Variants in ATP1A1 observed in about 807,000 individuals in gnomAD.
ATP1A1 encodes the protein sodium/potassium-transporting ATPase subunit alpha-1.
A neutral mutation model predicts 114.8 loss-of-function variants in ATP1A1; 14 were observed. The ratio of observed to expected loss-of-function variants is 0.12; its 90% CI spans 0.08 to 0.19. ATP1A1 has a LOEUF of 0.19. Among genes scored for constraint, ATP1A1 ranks in the 10% least tolerant of loss-of-function variants. The pLI is 1.00. For missense variants in ATP1A1, 524 were observed against 1,290.7 expected (o/e 0.41, Z 9.10); for synonymous variants, 471 against 466.3 (o/e 1.01, Z -0.13).
intron 1 of ATP1A1, among the ~76,000 whole-genome samples, chr1:116,380,145 G>A (rs1651648139): frequency 6.6e-6 from 1 of 152,128 alleles, no homozygotes; most frequent in Non-Finnish European, 1.5e-5. Context: ...TTCTTTAATA[G>A]TTATACCAAG....
Position 116,399,227 on chromosome 1 carries a change from C to A in ATP1A1, c.2448+143C>A. ...CAGTATCCAGTGTGTGTCCCAATCC[C>A]GGCTTCACAGAATCAGTATTACCAC... On this transcript the variant is annotated intron_variant, in intron 17 of 22. Coordinates refer to ENST00000295598, the MANE Select transcript of ATP1A1 (RefSeq NM_000701.8). The surrounding 1 kb of genome is among the most constrained non-coding windows in gnomAD (Gnocchi z 5.0). 7.2e-7 allele frequency: 1 copy of A among 1,380,022 alleles called. No individual in the cohort carries two copies. The highest frequency in any genetic ancestry group is 9.9e-7 in the Non-Finnish European group (1 of 1,005,124). 85.5% of individuals were successfully genotyped at this position (1,380,022 alleles called of 1,614,324 possible). A position where few individuals can be genotyped will look rare whatever the true frequency, so the allele number is the denominator to read the frequency against.
rs532570103 is a variant in ATP1A1 at position 116,385,427 on chromosome 1, G to A, written c.183+585G>A. 46 of 153,526 alleles carry A rather than the reference G, an allele frequency of 3.0e-4. No individual in the cohort carries two copies. Among genetic ancestry groups the A allele is most frequent in the African/African-American group, 1.0e-3 (43 of 41,568 alleles). The allele number at this position is 153,526 out of a possible 1,614,324, so 9.5% of individuals were successfully genotyped here. A position where few individuals can be genotyped will look rare whatever the true frequency, so the allele number is the denominator to read the frequency against. ...ATGTTATAAAAGTAAATAGTCTAGG[G>A]ATGTCTTATTTCCAGATAATCACTG... is the stretch of plus-strand genomic sequence containing the variant. On this transcript the variant is annotated intron_variant, in intron 3 of 22. Coordinates refer to ENST00000295598, the MANE Select transcript of ATP1A1 (RefSeq NM_000701.8). This position sits in a 1 kb window ranked among gnomAD's most constrained non-coding sequence, Gnocchi z 4.3.
rs1050457276 is a variant in ATP1A1, at chr1:116,388,358, T to C, written c.501+114T>C. On this transcript the variant is annotated intron_variant, in intron 5 of 22. Transcript: ENST00000295598. This position sits in a 1 kb window ranked among gnomAD's most constrained non-coding sequence, Gnocchi z 5.6. ...AGTATTACATGACTCATCAGAGAGA[T>C]GGATGTCTTCTACCCCACCCAAAAC... 1.2e-5 allele frequency: 12 copies of C among 1,035,902 alleles called. No individual in the cohort carries two copies. Among genetic ancestry groups the C allele is most frequent in the Non-Finnish European group, 1.7e-5 (12 of 696,178 alleles). The allele number at this position is 1,035,902 out of a possible 1,614,324, so 64.2% of individuals were successfully genotyped here. A position where few individuals can be genotyped will look rare whatever the true frequency, so the allele number is the denominator to read the frequency against.
intron 10 of ATP1A1, among the ~76,000 whole-genome samples, 198 bp downstream of exon 10, chr1:116,391,089 C>A (rs1241287098): frequency 2.0e-5 from 3 of 152,190 alleles, no homozygotes; most frequent in African/African-American, 7.2e-5. Context: ...GGACCCCCTG[C>A]TCCATATAGG....
rs1652612722 is a variant in ATP1A1 at position 116,393,206 on chromosome 1, T to C, written c.1467+218T>C. Among the ~76,000 whole-genome samples, 1 of 151,910 alleles carries C rather than the reference T, an allele frequency of 6.6e-6. No homozygotes were observed. Among genetic ancestry groups the C allele is most frequent in the African/African-American group, 2.4e-5 (1 of 41,182 alleles). On this transcript the variant is annotated intron_variant, in intron 11 of 22. Coordinates refer to ENST00000295598, the MANE Select transcript of ATP1A1 (RefSeq NM_000701.8). The surrounding 1 kb of genome is among the most constrained non-coding windows in gnomAD (Gnocchi z 5.0). The stretch of plus-strand genomic sequence containing the variant: ...ACTGTTGAGCCCTTTTGAATACTTG[T>C]GGTTTGGGGTGGGTGTGGGCATGTG...
In ATP1A1 at chr1:116,401,705, C is replaced by A; in HGVS notation, c.2951+50C>A. On this transcript the variant is annotated intron_variant, in intron 21 of 22. Coordinates refer to ENST00000295598, the MANE Select transcript of ATP1A1 (RefSeq NM_000701.8). The surrounding 1 kb of genome is among the most constrained non-coding windows in gnomAD (Gnocchi z 4.7). ...AAAAAGTATGAAATAGTATGTGTGG[C>A]TTTTCCCCCCATTACTTGTGGTAAT... 1 of 1,539,456 alleles carries A rather than the reference C, an allele frequency of 6.5e-7. No individual in the cohort carries two copies. The highest frequency in any genetic ancestry group is 9.0e-7 in the Non-Finnish European group (1 of 1,116,256).
chr1:116,386,573 G>C (rs945461829), intron 3 of ATP1A1, among the ~76,000 whole-genome samples: 4 of 151,588 alleles, frequency 2.6e-5, no homozygotes, highest in African/African-American at 9.7e-5. Context: ...TTGTTATTTT[G>C]AGAGTATAAA....
At chr1:116,403,387 A>G (rs1251636747) in intron 21 of ATP1A1, among the ~76,000 whole-genome samples, 1 of 152,250 alleles carries the variant, frequency 6.6e-6, no homozygotes, top group Non-Finnish European at 1.5e-5. Context: ...ACCAGGCCTC[A>G]GAACACAGAG....
Position 116,385,579 on chromosome 1 carries a change from TC to T in ATP1A1, c.183+740del, listed in dbSNP as rs1455928088. 1 of 152,330 alleles carries T rather than the reference TC, an allele frequency of 6.6e-6. No homozygotes were observed. The highest frequency in any genetic ancestry group is 6.5e-5 in the Admixed American group (1 of 15,276). The allele number at this position is 152,330 out of a possible 1,614,324, so 9.4% of individuals were successfully genotyped here. ...TTGTCCACAGTTCCTGGTTCATAAC[TC>T]CCATAGCCCTTATTACAGTCGTTTG... On this transcript the variant is annotated intron_variant, in intron 3 of 22. Coordinates refer to ENST00000295598, the MANE Select transcript of ATP1A1 (RefSeq NM_000701.8). The surrounding 1 kb of genome is among the most constrained non-coding windows in gnomAD (Gnocchi z 4.3).
At chr1:116,378,219 A>C (rs1399441327) in intron 1 of ATP1A1, among the ~76,000 whole-genome samples, 1 of 152,194 alleles carries the variant, frequency 6.6e-6, no homozygotes, top group Non-Finnish European at 1.5e-5. Context: ...TTTTATTTGC[A>C]TCCTGAGCAA....
At chr1:116,390,560 T>TGA in intron 9 of ATP1A1, 149 bp downstream of exon 9, 4 of 921,282 alleles carry the variant, frequency 4.3e-6, no homozygotes, top group Non-Finnish European at 6.4e-6. Context: ...TATCATTTAG[T>TGA]GAAGAGTCAA....
At position 116,393,415 on chromosome 1, in the gene ATP1A1, G is replaced by T; in HGVS notation, c.1468-116G>T. The T allele has an allele frequency of 8.6e-7, 1 of 1,164,536 alleles. No homozygotes were observed. The highest frequency in any genetic ancestry group is 1.2e-6 in the Non-Finnish European group (1 of 831,174). The allele number at this position is 1,164,536 out of a possible 1,614,324, so 72.1% of individuals were successfully genotyped here. A position where few individuals can be genotyped will look rare whatever the true frequency, so the allele number is the denominator to read the frequency against. On this transcript the variant is annotated intron_variant, in intron 11 of 22. Transcript: ENST00000295598. The surrounding 1 kb of genome is among the most constrained non-coding windows in gnomAD (Gnocchi z 5.0). The stretch of plus-strand genomic sequence containing the variant: ...TGTAAGATACTTCAGAGTTCAGAAA[G>T]AAGGGATCTTGGGTCTTTTATAGCA...
chr1:116,376,153 A>AG (rs916076531), intron 1 of ATP1A1, among the ~76,000 whole-genome samples: 17 of 152,212 alleles, frequency 1.1e-4, no homozygotes, highest in African/African-American at 2.4e-4. Context: ...AAAGATGAGG[A>AG]GGGGGGGTCT....
At position 116,387,579 on chromosome 1, in the gene ATP1A1, C is replaced by A; in HGVS notation, c.387+88C>A. The A allele has an allele frequency of 7.2e-7, 1 of 1,394,322 alleles. No homozygotes were observed. The highest frequency in any genetic ancestry group is 1.4e-5 in the African/African-American group (1 of 70,150). The allele number at this position is 1,394,322 out of a possible 1,614,324, so 86.4% of individuals were successfully genotyped here. The stretch of plus-strand genomic sequence containing the variant: ...CTCCCACTTCTTCTCAATTACCACT[C>A]ATTACTTAATGGTTATGAACTCATT... On this transcript the variant is annotated intron_variant, in intron 4 of 22. Coordinates refer to ENST00000295598, the MANE Select transcript of ATP1A1 (RefSeq NM_000701.8). The surrounding 1 kb of genome is among the most constrained non-coding windows in gnomAD (Gnocchi z 6.7).
chr1:116,388,937 C>T lies in ATP1A1; in HGVS notation c.672C>T (p.Pro224=), dbSNP rs1476704974. 3 of 1,614,170 alleles carry T rather than the reference C, an allele frequency of 1.9e-6. No homozygotes were observed. Among genetic ancestry groups the T allele is most frequent in the Non-Finnish European group, 1.7e-6 (2 of 1,180,026 alleles). ...DNSSLTGESE[P]QTRSPDFTNE... ...CCTCGCTCACTGGTGAATCAGAACC[C>T]CAGACTAGGTCTCCAGATTTCACAA... Residue 224 remains proline (P), a synonymous_variant, in exon 7 of 23, where the codon CCC becomes CCT. Coordinates refer to ENST00000295598, the MANE Select transcript of ATP1A1 (RefSeq NM_000701.8). This position sits in a 1 kb window ranked among gnomAD's most constrained non-coding sequence, Gnocchi z 5.6.
chr1:116,381,772 A>G lies in ATP1A1; in HGVS notation c.13-2242A>G, dbSNP rs1651758087. On this transcript the variant is annotated intron_variant, in intron 1 of 22. Transcript: ENST00000295598. The surrounding 1 kb of genome is among the most constrained non-coding windows in gnomAD (Gnocchi z 5.1). ...AGTGGAAGATATTGGAAGTCTGAGA[A>G]TAAGCAAAGCATGCAGATTATGAAG... Among the ~76,000 whole-genome samples the G allele has an allele frequency of 6.6e-6, 1 of 152,240 alleles. No individual in the cohort carries two copies. Among genetic ancestry groups the G allele is most frequent in the Non-Finnish European group, 1.5e-5 (1 of 68,044 alleles).
At chr1:116,382,124 G>C (rs1460385437) in intron 1 of ATP1A1, among the ~76,000 whole-genome samples, 1 of 152,200 alleles carries the variant, frequency 6.6e-6, no homozygotes, top group East Asian at 1.9e-4. Flanking sequence ...AGTGAGCTTA[G>C]ATTGCGCCAC....
intron 1 of ATP1A1, among the ~76,000 whole-genome samples, chr1:116,374,505 G>T (rs75143733): frequency 2.0e-5 from 3 of 152,180 alleles, no homozygotes; most frequent in African/African-American, 4.8e-5. Flanking sequence ...TGAAGGAAAC[G>T]AGGGGTCTTG....
chr1:116,392,720 G>A lies in ATP1A1; in HGVS notation c.1333-134G>A, dbSNP rs565796298. On this transcript the variant is annotated intron_variant, in intron 10 of 22. Transcript: ENST00000295598. ...AGGGACTCCTGTCCCACTTAACACC[G>A]CTGCTTCCTTCTTGCCCATCCTCTG... 7.0e-5 allele frequency: 77 copies of A among 1,093,232 alleles called. No individual in the cohort carries two copies. In the Admixed American group the frequency reaches 9.1e-4, roughly 13 times the overall value. 67.7% of individuals were successfully genotyped at this position (1,093,232 alleles called of 1,614,324 possible).
Sources: allele counts gnomAD v4.1 joint callset (sites outside exome capture counted in the v4.1 genomes callset), GRCh38; gene constraint gnomAD v4.1.1; non-coding constraint Gnocchi (gnomAD v3.1); transcripts MANE v1.5; gene names NCBI Gene and HGNC (gene_info 2026-07-23, HGNC 2026-07-21).